Variants in DDX5 observed in about 807,000 individuals in gnomAD.
DDX5 encodes DEAD-box helicase 5, also known as probable ATP-dependent RNA helicase DDX5.
A neutral mutation model predicts 68.6 loss-of-function variants in DDX5; 6 were observed. The observed-to-expected ratio is 0.09, with a 90% CI of 0.05 to 0.17. DDX5 has a LOEUF of 0.17. Among genes scored for constraint, DDX5 ranks in the 10% least tolerant of loss-of-function variants. The pLI is 1.00. For synonymous variants in DDX5, 350 were observed against 247.0 expected (o/e 1.42, Z -3.91); for missense variants, 499 against 756.1 (o/e 0.66, Z 3.99).
At chr17:64,505,586 G>T in intron 1 of DDX5, 2 of 767,834 alleles carry the variant, frequency 2.6e-6, no homozygotes, top group Non-Finnish European at 4.3e-6. Flanking sequence ...TAACAAAGGC[G>T]CCGCCGCCAT....
At position 64,503,829 on chromosome 17, in the gene DDX5, A is replaced by G. The variant is rs2038357703; in HGVS notation, c.481T>C (p.Phe161Leu). The change falls in exon 5 of 13, where the codon TTC (phenylalanine) becomes CTC (leucine). Residue 161 changes from phenylalanine (F) to leucine (L), a missense_variant. Physicochemically the swap from Phe to Leu is conservative, Grantham distance 22. Coordinates refer to ENST00000225792, the MANE Select transcript of DDX5 (RefSeq NM_004396.5). ...PAIVHINHQP[F>L]LERGDGPICL... is the part of the protein sequence containing the mutation. ...ATAGGCCCATCGCCTCTCTCTAGGA[A>G]TGGCTGATGATTGATGTGGACAATG... 1 of 1,614,112 alleles carries G rather than the reference A, an allele frequency of 6.2e-7. No homozygotes were observed. The highest frequency in any genetic ancestry group is 8.5e-7 in the Non-Finnish European group (1 of 1,180,046).
intron 1 of DDX5, 167 bp downstream of exon 1, chr17:64,505,909 A>C (rs2038485304): frequency 6.5e-7 from 1 of 1,534,996 alleles, no homozygotes; most frequent in Non-Finnish European, 8.7e-7. Context: ...AATCTCTTCC[A>C]ATCACTGTGA....
At position 64,503,116 on chromosome 17, in the gene DDX5, G is replaced by GA. The variant is rs781948805; in HGVS notation, c.811-19dup. On this transcript the variant is annotated intron_variant, in intron 7 of 12. Transcript: ENST00000225792. ...CTATCAGGCTAATGGATTTTGGGGG[G>GA]AAAAATTAGTATCAGACTCTTAAGA... 15 of 1,611,104 alleles carry GA rather than the reference G, an allele frequency of 9.3e-6. No individual in the cohort carries two copies. Among genetic ancestry groups the GA allele is most frequent in the Non-Finnish European group, 1.3e-5 (15 of 1,178,060 alleles).
At chr17:64,503,406 A>G in intron 6 of DDX5, 24 bp downstream of exon 6, 7 of 1,613,934 alleles carry the variant, frequency 4.3e-6, no homozygotes, top group Non-Finnish European at 5.1e-6. Flanking sequence ...ACCAATGACA[A>G]ATAAAACCCT....
rs1598144321 is a variant in DDX5, at chr17:64,499,671, TG to T, written c.*251del. On this transcript the variant is annotated 3_prime_UTR_variant, in exon 13 of 13. Transcript: ENST00000225792. ...AAGGCCATGCATTGCCTTCATTTAT[TG>T]TATTTCAAATCACTGTACATTTACT... 1.1e-5 allele frequency: 4 copies of T among 379,602 alleles called. No homozygotes were observed. The East Asian group carries it at 1.5e-4, about 15-fold the overall frequency. The allele number at this position is 379,602 out of a possible 1,614,324, so 23.5% of individuals were successfully genotyped here. A position where few individuals can be genotyped will look rare whatever the true frequency, so the allele number is the denominator to read the frequency against.
rs2038343697 is a variant in DDX5 at position 64,503,291 on chromosome 17, T to C, written c.707A>G (p.Lys236Arg). 6.2e-7 allele frequency: 1 copy of C among 1,614,252 alleles called. No individual in the cohort carries two copies. Among genetic ancestry groups the C allele is most frequent in the Non-Finnish European group, 8.5e-7 (1 of 1,180,050 alleles). The change falls in exon 7 of 13, where the codon AAA becomes AGA. Residue 236 changes from lysine (K) to arginine (R), a missense_variant. By Grantham distance (26) the Lys-to-Arg change is conservative. Transcript: ENST00000225792. The stretch of plus-strand genomic sequence containing the variant: ...GTAGGTTGTTCTTCTCAGATTGGTT[T>C]TTCCACACTCTAAAAAGTCAATCAG... ...GRLIDFLECG[K>R]TNLRRTTYLV...
rs782071920 is a variant in DDX5, at chr17:64,503,988, A to G, written c.436T>C (p.Leu146=). 1.9e-6 allele frequency: 3 copies of G among 1,614,182 alleles called. No homozygotes were observed. The highest frequency in any genetic ancestry group is 1.1e-5 in the South Asian group (1 of 91,082). ...AAGAGTTCTCCCAAACTTACAGACAATGTTTTCCCAGATCCAGTCTGTGCC... is the reference window on the plus strand; with the variant it reads ...AAGAGTTCTCCCAAACTTACAGACAGTGTTTTCCCAGATCCAGTCTGTGCC... ...GVAQTGSGKT[L]SYLLPAIVHI... is the part of the protein sequence containing the mutation. The change falls in exon 4 of 13, where the codon TTG becomes CTG. Residue 146 remains leucine (L), a synonymous_variant. Coordinates refer to ENST00000225792, the MANE Select transcript of DDX5 (RefSeq NM_004396.5).
In DDX5 at chr17:64,499,907, A is replaced by G. The variant is rs781871199; in HGVS notation, c.*16T>C. On this transcript the variant is annotated 3_prime_UTR_variant, in exon 13 of 13. Transcript: ENST00000225792. ...GCAATTATGAAAAACAGACATTTAC[A>G]TATACTTCTAAAGTCTTATTGGGAA... is the stretch of plus-strand genomic sequence containing the variant. 3.9e-6 allele frequency: 6 copies of G among 1,551,520 alleles called. No individual in the cohort carries two copies. The highest frequency in any genetic ancestry group is 2.3e-5 in the East Asian group (1 of 44,314).
At position 64,506,272 on chromosome 17, in the gene DDX5, G is replaced by C. The variant is rs539047729; in HGVS notation, c.-153C>G. The C allele has an allele frequency of 1.3e-6, 2 of 1,536,518 alleles. No individual in the cohort carries two copies. Among genetic ancestry groups the C allele is most frequent in the African/African-American group, 1.4e-5 (1 of 72,798 alleles). ...AGCCGAAGCTGCACTACTAGAGACCGGTAGAAATGAATGAGGTGCCGGCCG... is the reference window on the plus strand; with the variant it reads ...AGCCGAAGCTGCACTACTAGAGACCCGTAGAAATGAATGAGGTGCCGGCCG... On this transcript the variant is annotated 5_prime_UTR_variant, in exon 1 of 13. Transcript: ENST00000225792.
At position 64,506,120 on chromosome 17, in the gene DDX5, G is replaced by A. The variant is rs782396634; in HGVS notation, c.-1C>T. Reference sequence around the variant, plus strand: ...CTCGGTCACTCGAATAACCCGACATGGCGTCAATGGTTGCGGTTGGCGGGG... The same window carrying A: ...CTCGGTCACTCGAATAACCCGACATAGCGTCAATGGTTGCGGTTGGCGGGG... On this transcript the variant is annotated 5_prime_UTR_variant, in exon 1 of 13. Coordinates refer to ENST00000225792, the MANE Select transcript of DDX5 (RefSeq NM_004396.5). 41 of 1,606,326 alleles carry A rather than the reference G, an allele frequency of 2.6e-5. No individual in the cohort carries two copies. Among genetic ancestry groups the A allele is most frequent in the Non-Finnish European group, 3.4e-5 (40 of 1,176,716 alleles).
intron 5 of DDX5, 53 bp downstream of exon 5, chr17:64,503,750 G>A (rs1295109190): frequency 1.1e-5 from 18 of 1,571,586 alleles, no homozygotes; most frequent in South Asian, 3.4e-5. Flanking sequence ...TAGCTATGTA[G>A]TCTAAAATCT....
At chr17:64,506,019 GAC>G in intron 1 of DDX5, 55 bp downstream of exon 1, 2 of 1,360,384 alleles carry the variant, frequency 1.5e-6, no homozygotes, top group Non-Finnish European at 2.0e-6. Flanking sequence ...CCGCCACCCT[GAC>G]CCGCCCTCCC....
chr17:64,500,260 C>T lies in DDX5; in HGVS notation c.1508G>A (p.Gly503Asp), dbSNP rs1334822212. ...CCTGTCTCTAAAGGTATTAAATCCA[C>T]CCCTTTTGCCCGCAGAGTATCTGTC... ...RRDRYSAGKR[G>D]GFNTFRDREN... is the part of the protein sequence containing the mutation. Residue 503 changes from glycine (G) to aspartate (D), a missense_variant, in exon 13 of 13, where the codon GGT (glycine) becomes GAT (aspartate). Gly to Asp is a moderately conservative substitution (Grantham distance 94). Around this residue, in one of 5 missense-constraint regions of DDX5, gnomAD observed 171 missense variants for 174.8 expected, o/e 0.98. Coordinates refer to ENST00000225792, the MANE Select transcript of DDX5 (RefSeq NM_004396.5). 2.5e-6 allele frequency: 4 copies of T among 1,614,046 alleles called. No individual in the cohort carries two copies. Among genetic ancestry groups the T allele is most frequent in the Non-Finnish European group, 3.4e-6 (4 of 1,180,028 alleles).
chr17:64,503,674 A>G, intron 5 of DDX5, 103 bp from the exon 6 acceptor site: 2 of 1,545,582 alleles, frequency 1.3e-6, no homozygotes, highest in Non-Finnish European at 1.8e-6. Flanking sequence ...TCCAATACCC[A>G]AAACAGCTCC....
rs149161183 is a variant in DDX5 at position 64,500,151 on chromosome 17, A to G, written c.1617T>C (p.Asn539=). 7 of 1,614,020 alleles carry G rather than the reference A, an allele frequency of 4.3e-6. No homozygotes were observed. Among genetic ancestry groups the G allele is most frequent in the Middle Eastern group, 3.3e-4 (2 of 6,082 alleles). ...KTQNGVYSAA[N]YTNGSFGSNF... ...TACTTCCAAAGCTCCCATTGGTGTA[A>G]TTTGCAGCACTGTAAACACCATTCT... The change falls in exon 13 of 13, where the codon AAT becomes AAC. Residue 539 remains asparagine, a synonymous_variant. Transcript: ENST00000225792.
intron 7 of DDX5, 26 bp downstream of exon 7, chr17:64,503,162 G>T (rs1162112497): frequency 1.2e-6 from 2 of 1,613,268 alleles, no homozygotes; most frequent in East Asian, 2.2e-5. Context: ...AATTCAGTTT[G>T]ATCACATATT....
chr17:64,504,188 A>G (rs1555671657), intron 3 of DDX5, 34 bp downstream of exon 3: 1 of 1,612,986 alleles, frequency 6.2e-7, no homozygotes, highest in Non-Finnish European at 8.5e-7. Context: ...GGAAACAAAA[A>G]CACGGGTAGG....
intron 8 of DDX5, 45 bp downstream of exon 8, chr17:64,502,881 G>T (rs2038335051): frequency 3.3e-6 from 5 of 1,512,140 alleles, no homozygotes; most frequent in Non-Finnish European, 4.4e-6. Flanking sequence ...CAATTTTACA[G>T]CAAAGTTGTT....
intron 11 of DDX5, 179 bp downstream of exon 11, chr17:64,501,831 G>A (rs1555671150): frequency 3.2e-6 from 2 of 626,996 alleles, no homozygotes; most frequent in Non-Finnish European, 5.6e-6. Flanking sequence ...CCGATCACTA[G>A]TCCTCCATCC....
Sources: gnomAD v4.1 joint callset for allele counts on GRCh38, gnomAD v4.1.1 for gene constraint, gnomAD v4.1.1 regional missense constraint, MANE v1.5 for transcripts, NCBI Gene and HGNC (gene_info 2026-07-23, HGNC 2026-07-21) for gene names.